The following AQP4 variants were observed in gnomAD, a reference collection of about 807,000 sequenced individuals.
AQP4 encodes aquaporin-4.
In AQP4, 18 loss-of-function variants were observed where a neutral mutation model predicts 27.8. The ratio of observed to expected loss-of-function variants is 0.65; its 90% CI spans 0.45 to 0.96. The LOEUF is 0.96. Ranked by LOEUF, AQP4 falls within the 40% of genes least tolerant of loss-of-function variation. The pLI is 0.00. For missense variants in AQP4, 412 were observed against 408.2 expected, an observed-to-expected ratio of 1.01 and a Z score of -0.08; for synonymous variants, 141 against 142.9, an observed-to-expected ratio of 0.99 and a Z score of 0.10.
chr18:26,860,683 G>A lies in AQP4; in HGVS notation c.693+89C>T. 3 of 1,158,356 alleles carry A rather than the reference G, an allele frequency of 2.6e-6. No individual in the cohort carries two copies. The Admixed American group carries it at 5.1e-5, about 20-fold the overall frequency. 71.8% of individuals were successfully genotyped at this position (1,158,356 alleles called of 1,614,324 possible). A position where few individuals can be genotyped will look rare whatever the true frequency, so the allele number is the denominator to read the frequency against. ...CAAGGTTGGAGAAATGCAAGAGAAA[G>A]TAGTAGGCAAAATAATGAAAAATAA... On this transcript the variant is annotated intron_variant, in intron 4 of 4. Transcript: ENST00000383168.
In AQP4 at chr18:26,862,194, C is replaced by G. The variant is rs769262244; in HGVS notation, c.435G>C (p.Leu145=). ...LVTPPSVVGG[L]GVTMVHGNLT... Reference sequence around the variant, plus strand: ...CTAAAGATGCTACCATGGTGACTCCCAGGCCTCCCACCACACTGGGAGGTG... The same window carrying G: ...CTAAAGATGCTACCATGGTGACTCCGAGGCCTCCCACCACACTGGGAGGTG... The change falls in exon 2 of 5, where the codon CTG becomes CTC. Residue 145 remains leucine (L), a synonymous_variant. Coordinates refer to ENST00000383168, the MANE Select transcript of AQP4 (RefSeq NM_001650.7). 2 of 1,614,016 alleles carry G rather than the reference C, an allele frequency of 1.2e-6. No individual in the cohort carries two copies. The highest frequency in any genetic ancestry group is 2.7e-5 in the African/African-American group (2 of 74,916).
At chr18:26,857,697 C>A (rs2054869110) in intron 4 of AQP4, among the ~76,000 whole-genome samples, 1 of 152,122 alleles carries the variant, frequency 6.6e-6, no homozygotes, top group Non-Finnish European at 1.5e-5. Context: ...CAGACATTTG[C>A]TTTAGAGCAC....
At chr18:26,856,606 A>G (rs2054850066) in intron 4 of AQP4, 117 bp from the exon 5 acceptor site, 1 of 1,181,886 alleles carries the variant, frequency 8.5e-7, no homozygotes. Context: ...TCATGCATCA[A>G]AAAGAGGGGA....
At chr18:26,860,553 G>A in intron 4 of AQP4, 1 of 525,310 alleles carries the variant, frequency 1.9e-6, no homozygotes, top group South Asian at 2.0e-5. Context: ...TATTATTGGA[G>A]GCCTAGAACC....
chr18:26,861,097 G>T (rs768646280), intron 3 of AQP4, 34 bp downstream of exon 3: 14 of 1,610,396 alleles, frequency 8.7e-6, no homozygotes, highest in Non-Finnish European at 1.2e-5. Context: ...TAAATGAGGT[G>T]GGATTGATTA....
chr18:26,864,048 G>C (rs1355581426), intron 1 of AQP4, among the ~76,000 whole-genome samples: 1 of 151,564 alleles, frequency 6.6e-6, no homozygotes, highest in Non-Finnish European at 1.5e-5. Context: ...TTTTGCCCTT[G>C]TCCTTTGCCT....
In AQP4 at chr18:26,862,369, C is replaced by T; in HGVS notation, c.260G>A (p.Cys87Tyr). Residue 87 changes from cysteine (C) to tyrosine (Y), a missense_variant, in exon 2 of 5, where the codon TGC becomes TAC. Physicochemically the swap from Cys to Tyr is radical, Grantham distance 194 (BLOSUM62 -2). Coordinates refer to ENST00000383168, the MANE Select transcript of AQP4 (RefSeq NM_001650.7). ...FGLSIATMVQ[C>Y]FGHISGGHIN... is the part of the protein sequence containing the mutation. ...GTGGCCACCGCTGATATGGCCAAAG[C>T]ACTGCACCATGGTTGCAATGCTGAG... is the stretch of plus-strand genomic sequence containing the variant. 6.2e-7 allele frequency: 1 copy of T among 1,614,196 alleles called. No individual in the cohort carries two copies. The highest frequency in any genetic ancestry group is 8.5e-7 in the Non-Finnish European group (1 of 1,180,046).
chr18:26,861,654 AAATT>A (rs1392134106), intron 2 of AQP4, among the ~76,000 whole-genome samples: 3 of 152,192 alleles, frequency 2.0e-5, no homozygotes, highest in Non-Finnish European at 4.4e-5. Flanking sequence ...AATTAGGTTT[AAATT>A]AATTAATATA....
intron 4 of AQP4, among the ~76,000 whole-genome samples, chr18:26,858,704 C>T (rs1331842290): frequency 6.6e-6 from 1 of 152,138 alleles, no homozygotes; most frequent in Non-Finnish European, 1.5e-5. Flanking sequence ...ACTAGAACAG[C>T]AAAATAATTA....
Position 26,852,707 on chromosome 18 carries a change from T to C in AQP4, c.*3504A>G. 1 of 397,468 alleles carries C rather than the reference T, an allele frequency of 2.5e-6. No homozygotes were observed. The highest frequency in any genetic ancestry group is 4.4e-6 in the Non-Finnish European group (1 of 225,380). The allele number at this position is 397,468 out of a possible 1,614,324, so 24.6% of individuals were successfully genotyped here. A position where few individuals can be genotyped will look rare whatever the true frequency, so the allele number is the denominator to read the frequency against. Reference sequence around the variant, plus strand: ...TTACACTTTCCAAATAGTAACCACATCTTCCTACTAATTTTCATGTTAAAA... The same window carrying C: ...TTACACTTTCCAAATAGTAACCACACCTTCCTACTAATTTTCATGTTAAAA... On this transcript the variant is annotated 3_prime_UTR_variant, in exon 5 of 5. Transcript: ENST00000383168.
intron 4 of AQP4, among the ~76,000 whole-genome samples, chr18:26,858,763 C>T (rs1018072825): frequency 1.1e-4 from 17 of 152,108 alleles, no homozygotes. Context: ...TGCATGTTCT[C>T]AAAAATAAAC....
chr18:26,861,222 A>G lies in AQP4; in HGVS notation c.521T>C (p.Ile174Thr). The G allele has an allele frequency of 6.2e-7, 1 of 1,614,166 alleles. No individual in the cohort carries two copies. Among genetic ancestry groups the G allele is most frequent in the Non-Finnish European group, 8.5e-7 (1 of 1,179,978 alleles). Residue 174 changes from isoleucine (I) to threonine (T), a missense_variant, in exon 3 of 5, where the codon ATC (isoleucine) becomes ACC (threonine). By Grantham distance (89) the Ile-to-Thr change is moderately conservative. Transcript: ENST00000383168. ...LIITFQLVFTIFASCDSKRTD... is the reference protein window; with the variant it reads ...LIITFQLVFTTFASCDSKRTD... ...CCGTTTGGAATCACAGCTGGCAAAG[A>G]TAGTAAACACCAATTGAAATGTGAT...
At chr18:26,860,898 T>C in intron 3 of AQP4, 46 bp from the exon 4 acceptor site, 2 of 1,558,416 alleles carry the variant, frequency 1.3e-6, no homozygotes, top group Non-Finnish European at 1.8e-6. Context: ...GAAACAGGGC[T>C]ACTAGCAAGT....
intron 4 of AQP4, 73 bp downstream of exon 4, chr18:26,860,699 T>C (rs1316202651): frequency 7.4e-7 from 1 of 1,349,348 alleles, no homozygotes; most frequent in Admixed American, 1.7e-5. Flanking sequence ...GGCAAAATAA[T>C]GAAAAATAAA....
intron 1 of AQP4, chr18:26,865,358 TG>T (rs1252559643): frequency 2.0e-6 from 1 of 508,818 alleles, no homozygotes; most frequent in African/African-American, 1.9e-5. Context: ...GCTGAGCGTC[TG>T]GGTGAGTAAT....
At chr18:26,864,401 C>T in intron 1 of AQP4, among the ~76,000 whole-genome samples, 1 of 151,892 alleles carries the variant, frequency 6.6e-6, no homozygotes, top group East Asian at 1.9e-4. Flanking sequence ...GAAGAGCTGG[C>T]TCCACAGGGG....
At chr18:26,859,699 G>T (rs1252912117) in intron 4 of AQP4, among the ~76,000 whole-genome samples, 2 of 152,140 alleles carry the variant, frequency 1.3e-5, no homozygotes, top group Non-Finnish European at 2.9e-5. Context: ...TAATGCTGTA[G>T]ATTACTTTTA....
Position 26,856,829 on chromosome 18 carries a change from TA to T in AQP4, c.694-341del, listed in dbSNP as rs538704411. Among the ~76,000 whole-genome samples the T allele has an allele frequency of 6.0e-4, 90 of 150,872 alleles. 1 individual carries two copies. The East Asian group carries it at 6.4e-3, about 11-fold the overall frequency. On this transcript the variant is annotated intron_variant, in intron 4 of 4. Coordinates refer to ENST00000383168, the MANE Select transcript of AQP4 (RefSeq NM_001650.7). ...CGCACTAAGAATTCTTTAACTAAAA[TA>T]AAAAAAAAATTTCTGGAGAGTCCTT...
chr18:26,856,164 G>T lies in AQP4; in HGVS notation c.*47C>A. 6.2e-7 allele frequency: 1 copy of T among 1,608,098 alleles called. No individual in the cohort carries two copies. Among genetic ancestry groups the T allele is most frequent in the South Asian group, 1.1e-5 (1 of 90,814 alleles). ...TTCCTTAATGGGTGGAAGGAAATCT[G>T]AGGACAGTTCTAAGGAGTCTTGTCT... On this transcript the variant is annotated 3_prime_UTR_variant, in exon 5 of 5. Coordinates refer to ENST00000383168, the MANE Select transcript of AQP4 (RefSeq NM_001650.7).
Sources: allele counts gnomAD v4.1 joint callset (sites outside exome capture counted in the v4.1 genomes callset), GRCh38; gene constraint gnomAD v4.1.1; transcripts MANE v1.5; gene names NCBI Gene and HGNC (gene_info 2026-07-23, HGNC 2026-07-21).